Variants in RBFOX1 observed in about 807,000 individuals in gnomAD.
RBFOX1 encodes RNA binding fox-1 homolog 1.
A neutral mutation model predicts 57.7 loss-of-function variants in RBFOX1; 8 were observed. The observed-to-expected ratio is 0.14, with a 90% CI of 0.08 to 0.25. The LOEUF (loss-of-function observed/expected upper bound fraction) is 0.25, where lower values mean the gene tolerates loss of function less well. RBFOX1 is among the 10% of genes least tolerant of loss of function. RBFOX1 has a pLI of 1.00. For synonymous variants in RBFOX1, 326 were observed against 222.4 expected (o/e 1.47, Z -4.15); for missense variants, 611 against 548.5 (o/e 1.11, Z -1.14).
At chr16:7,051,826 T>C (rs2050190672) in intron 3 of RBFOX1, among the ~76,000 whole-genome samples, 1 of 152,146 alleles carries the variant, frequency 6.6e-6, no homozygotes, top group African/African-American at 2.4e-5. Flanking sequence ...CCTGCACGTC[T>C]CTCCTCTTCC....
chr16:5,600,137 A>AAC (rs1225048929), exon 3 of RBFOX1: 4 of 150,268 alleles, frequency 2.7e-5, no homozygotes, highest in Non-Finnish European at 5.9e-5. Flanking sequence ...AAAATACAAA[A>AAC]AAAAAAAAAA....
At chr16:5,395,539 T>C (rs1020582506) in intron 1 of RBFOX1, among the ~76,000 whole-genome samples, 3 of 152,214 alleles carry the variant, frequency 2.0e-5, no homozygotes, top group African/African-American at 7.2e-5. Context: ...TTAGGTTTTC[T>C]AGCCTTAGGT....
At chr16:6,642,930 A>G (rs1471013621) in intron 2 of RBFOX1, among the ~76,000 whole-genome samples, 5 of 152,160 alleles carry the variant, frequency 3.3e-5, no homozygotes, top group Admixed American at 3.3e-4. Context: ...CTTAGTTTAC[A>G]TGCGTTGTTT....
chr16:5,949,141 C>G (rs948406232), intron 4 of RBFOX1, among the ~76,000 whole-genome samples: 16 of 152,068 alleles, frequency 1.1e-4, no homozygotes, highest in Non-Finnish European at 5.9e-5. Context: ...GGTATTCTCC[C>G]ATATAACCAG....
intron 2 of RBFOX1, among the ~76,000 whole-genome samples, chr16:6,383,338 A>G (rs1005589126): frequency 1.4e-4 from 21 of 152,214 alleles, no homozygotes; most frequent in African/African-American, 4.3e-4. Context: ...GCAGGATGCC[A>G]TGTGATCTGG....
intron 2 of RBFOX1, among the ~76,000 whole-genome samples, chr16:5,488,118 GA>G (rs2042696376): frequency 6.9e-6 from 1 of 145,172 alleles, no homozygotes; most frequent in African/African-American, 2.5e-5. Context: ...TGGTGGTGAT[GA>G]TGATGATAAT....
At chr16:7,565,718 C>G in intron 5 of RBFOX1, among the ~76,000 whole-genome samples, 1 of 152,210 alleles carries the variant, frequency 6.6e-6, no homozygotes, top group Admixed American at 6.5e-5. Flanking sequence ...GCTTTTCTCT[C>G]TGAGAAATAA....
intron 3 of RBFOX1, among the ~76,000 whole-genome samples, chr16:6,869,618 T>C (rs1486886947): frequency 2.0e-5 from 3 of 152,302 alleles, no homozygotes; most frequent in South Asian, 4.1e-4. Flanking sequence ...AAAAATATAA[T>C]TGGAATCTGT....
chr16:6,306,052 C>T (rs957694829), intron 1 of RBFOX1, among the ~76,000 whole-genome samples: 4 of 152,068 alleles, frequency 2.6e-5, no homozygotes, highest in East Asian at 3.9e-4. Flanking sequence ...ATTTAAAGCG[C>T]GTTGGTTTTG....
chr16:6,998,243 C>T (rs141143418), intron 3 of RBFOX1, among the ~76,000 whole-genome samples: 1 of 152,156 alleles, frequency 6.6e-6, no homozygotes, highest in East Asian at 1.9e-4. Flanking sequence ...ATATTTGTTG[C>T]TAAATATTCC....
rs78075548 is a variant in RBFOX1, at chr16:6,058,913, C to T, written c.-127+38921C>T. Among the ~76,000 whole-genome samples the T allele has an allele frequency of 2.0e-4, 30 of 152,270 alleles. No individual in the cohort carries two copies. The East Asian group carries it at 5.6e-3, about 28-fold the overall frequency. On this transcript the variant is annotated intron_variant, in intron 1 of 15. Transcript: ENST00000550418. ...CATGTATACAGTAATTAAAACAGCA[C>T]CATTTTGCAGAGTTGCTTCACTCTA...
At chr16:6,283,021 C>T (rs2076551078) in intron 1 of RBFOX1, among the ~76,000 whole-genome samples, 1 of 152,226 alleles carries the variant, frequency 6.6e-6, no homozygotes, top group Admixed American at 6.5e-5. Flanking sequence ...TGTGCTCCTA[C>T]ATCTGACTCT....
At chr16:7,412,022 G>C (rs1056825984) in intron 4 of RBFOX1, among the ~76,000 whole-genome samples, 2 of 151,840 alleles carry the variant, frequency 1.3e-5, no homozygotes, top group Non-Finnish European at 2.9e-5. Flanking sequence ...TCCTGGAGCC[G>C]AAAAAGGACA....
chr16:5,279,364 A>G (rs1419525024), intron 1 of RBFOX1, among the ~76,000 whole-genome samples: 1 of 151,812 alleles, frequency 6.6e-6, no homozygotes, highest in Non-Finnish European at 1.5e-5. Context: ...TTTTGTAGCT[A>G]TTGTAAATAG....
At chr16:7,338,865 C>G (rs534328473) in intron 4 of RBFOX1, among the ~76,000 whole-genome samples, 4 of 152,234 alleles carry the variant, frequency 2.6e-5, no homozygotes, top group East Asian at 1.9e-4. Flanking sequence ...CATTTCAGGT[C>G]TTGATATTGC....
At chr16:5,778,697 G>A (rs1014414896) in intron 3 of RBFOX1, among the ~76,000 whole-genome samples, 1 of 152,100 alleles carries the variant, frequency 6.6e-6, no homozygotes, top group Non-Finnish European at 1.5e-5. Flanking sequence ...TACTATTTAG[G>A]GTGGGGATCC....
At chr16:6,402,451 A>G (rs1484774703) in intron 2 of RBFOX1, among the ~76,000 whole-genome samples, 1 of 152,214 alleles carries the variant, frequency 6.6e-6, no homozygotes, top group African/African-American at 2.4e-5. Context: ...TTATCTTTTA[A>G]TGCACTTTCA....
intron 4 of RBFOX1, among the ~76,000 whole-genome samples, chr16:7,212,873 G>T (rs567737529): frequency 2.0e-5 from 3 of 152,260 alleles, no homozygotes; most frequent in African/African-American, 7.2e-5. Flanking sequence ...CTACAATGAT[G>T]ATGTCGGTGC....
chr16:7,164,550 T>G (rs2079037748), intron 4 of RBFOX1, among the ~76,000 whole-genome samples: 2 of 152,202 alleles, frequency 1.3e-5, no homozygotes, highest in Non-Finnish European at 2.9e-5. Context: ...GAGTAAAATT[T>G]ATATACTATG....
Sources: allele counts gnomAD v4.1 joint callset (sites outside exome capture counted in the v4.1 genomes callset), GRCh38; gene constraint gnomAD v4.1.1; transcripts MANE v1.5; gene names NCBI Gene and HGNC (gene_info 2026-07-23, HGNC 2026-07-21).